FUT8: variants seen among roughly 807,000 people sequenced by gnomAD.
FUT8 encodes the protein alpha-(1,6)-fucosyltransferase.
A neutral mutation model predicts 71.3 loss-of-function variants in FUT8; 29 were observed. That is an observed-to-expected ratio of 0.41 (90% CI 0.30 to 0.55). FUT8 has a LOEUF of 0.55. Ranked by LOEUF, FUT8 falls within the 20% of genes least tolerant of loss-of-function variation. FUT8 has a pLI of 0.34. For synonymous variants in FUT8, 254 were observed against 239.3 expected, an observed-to-expected ratio of 1.06 and a Z score of -0.57; for missense variants, 544 against 702.1, an observed-to-expected ratio of 0.77 and a Z score of 2.55.
At chr14:65,613,531 G>T (rs528286138) in intron 3 of FUT8, among the ~76,000 whole-genome samples, 1 of 152,144 alleles carries the variant, frequency 6.6e-6, no homozygotes, top group East Asian at 1.9e-4. Context: ...TTTATTATTC[G>T]CTTTGTGCTT....
intron 6 of FUT8, among the ~76,000 whole-genome samples, chr14:65,648,201 G>A (rs1891202840): frequency 6.6e-6 from 1 of 152,202 alleles, no homozygotes; most frequent in Admixed American, 6.5e-5. Flanking sequence ...AGCCTGCAAA[G>A]CCAAAGATAT....
intron 2 of FUT8, among the ~76,000 whole-genome samples, chr14:65,532,131 A>G (rs1375154081): frequency 6.6e-6 from 1 of 152,192 alleles, no homozygotes; most frequent in African/African-American, 2.4e-5. Context: ...TTTTGGTTAT[A>G]TACCCAGTAA....
chr14:65,678,189 T>C (rs1023363589), intron 7 of FUT8, among the ~76,000 whole-genome samples: 3 of 152,232 alleles, frequency 2.0e-5, no homozygotes, highest in Non-Finnish European at 4.4e-5. Flanking sequence ...ATGATTGGGT[T>C]ATAGAGTTTC....
intron 2 of FUT8, among the ~76,000 whole-genome samples, chr14:65,545,184 T>G (rs1393952795): frequency 6.6e-6 from 1 of 152,072 alleles, no homozygotes; most frequent in Non-Finnish European, 1.5e-5. Flanking sequence ...AAACACATTA[T>G]TTGTAAATTA....
chr14:65,547,387 T>C (rs963062143), intron 2 of FUT8, among the ~76,000 whole-genome samples: 3 of 151,698 alleles, frequency 2.0e-5, no homozygotes, highest in African/African-American at 7.2e-5. Flanking sequence ...AGTATTGTCA[T>C]ATATTTTACT....
chr14:65,438,429 A>G (rs1206867557), intron 1 of FUT8, among the ~76,000 whole-genome samples: 1 of 152,146 alleles, frequency 6.6e-6, no homozygotes, highest in Non-Finnish European at 1.5e-5. Flanking sequence ...ATGTCAGTAG[A>G]AGTATTTGGT....
At chr14:65,417,955 T>C (rs2065242242) in intron 1 of FUT8, among the ~76,000 whole-genome samples, 1 of 152,218 alleles carries the variant, frequency 6.6e-6, no homozygotes, top group Admixed American at 6.5e-5. Flanking sequence ...ACTTGAAAGA[T>C]CTTGTCACAG....
intron 3 of FUT8, among the ~76,000 whole-genome samples, chr14:65,563,068 CATT>C (rs1886000120): frequency 6.6e-6 from 1 of 151,936 alleles, no homozygotes; most frequent in Non-Finnish European, 1.5e-5. Context: ...ATGAATGAAA[CATT>C]ATTCTTGTCA....
intron 3 of FUT8, among the ~76,000 whole-genome samples, chr14:65,569,943 T>C (rs1475270564): frequency 6.6e-6 from 1 of 152,058 alleles, no homozygotes; most frequent in East Asian, 1.9e-4. Context: ...TTCTAGGCTT[T>C]TTATTGACAA....
chr14:65,415,725 A>T (rs1471998705), intron 1 of FUT8, among the ~76,000 whole-genome samples: 2 of 151,296 alleles, frequency 1.3e-5, no homozygotes, highest in Non-Finnish European at 2.9e-5. Flanking sequence ...CAATAAAAAA[A>T]TGGACCTTTT....
chr14:65,423,848 TAAA>T lies in FUT8; in HGVS notation c.-326+10638_-326+10640del, dbSNP rs563386799. ...TAAAAGCTACATTTTCAACATGAGATAAAAAACTATTTCACAAAACGTGCACAA... is the reference window on the plus strand; with the variant it reads ...TAAAAGCTACATTTTCAACATGAGATAAACTATTTCACAAAACGTGCACAA... On this transcript the variant is annotated intron_variant, in intron 1 of 10. Transcript: ENST00000673929. Among the ~76,000 whole-genome samples the T allele has an allele frequency of 2.0e-5, 3 of 152,362 alleles. No individual in the cohort carries two copies. The South Asian group carries it at 6.2e-4, about 32-fold the overall frequency.
intron 2 of FUT8, among the ~76,000 whole-genome samples, chr14:65,474,106 A>G (rs1224156523): frequency 1.3e-5 from 2 of 152,160 alleles, no homozygotes; most frequent in Non-Finnish European, 2.9e-5. Context: ...ACGCAAAGGC[A>G]TACAGAATAG....
intron 10 of FUT8, among the ~76,000 whole-genome samples, chr14:65,738,917 T>C (rs2139403807): frequency 1.3e-5 from 2 of 152,242 alleles, no homozygotes; most frequent in Middle Eastern, 6.8e-3. Flanking sequence ...ATTCAACAGA[T>C]ACTTATTGAG....
At chr14:65,487,779 G>A (rs962892311) in intron 2 of FUT8, among the ~76,000 whole-genome samples, 2 of 152,102 alleles carry the variant, frequency 1.3e-5, no homozygotes, top group Non-Finnish European at 2.9e-5. Context: ...GTGTTTTGTG[G>A]TGTGGGAAAT....
At chr14:65,497,276 T>G (rs2139750602) in intron 2 of FUT8, among the ~76,000 whole-genome samples, 1 of 152,286 alleles carries the variant, frequency 6.6e-6, no homozygotes, top group African/African-American at 2.4e-5. Context: ...AAGGACTTGT[T>G]TGGAAGTTGA....
chr14:65,407,896 T>G (rs891806591), upstream of FUT8, among the ~76,000 whole-genome samples: 6 of 152,322 alleles, frequency 3.9e-5, no homozygotes, highest in East Asian at 3.9e-4. Context: ...GGGTTACAGG[T>G]TGACTTGCTC....
rs763718984 is a variant in FUT8, at chr14:65,700,381, GTTTTTTTTTTTT to G, written c.836-21378_836-21367del. On this transcript the variant is annotated intron_variant, in intron 7 of 10. Coordinates refer to ENST00000673929, the MANE Select transcript of FUT8 (RefSeq NM_001371533.1). ...AAACTACTTTCTTTTCTTTCTTTCT[GTTTTTTTTTTTT>G]TTTTTTTTTTTTTTTGAGACGGAGT... Among the ~76,000 whole-genome samples the G allele has an allele frequency of 3.3e-3, 160 of 48,898 alleles. 1 individual carries two copies. Among genetic ancestry groups the G allele is most frequent in the African/African-American group, 0.012 (147 of 11,854 alleles). 32.1% of individuals were successfully genotyped at this position (48,898 alleles called of 152,430 possible). A position where few individuals can be genotyped will look rare whatever the true frequency, so the allele number is the denominator to read the frequency against.
intron 7 of FUT8, among the ~76,000 whole-genome samples, chr14:65,704,343 T>C (rs1894457380): frequency 6.6e-6 from 1 of 151,710 alleles, no homozygotes. Flanking sequence ...AATTGTGATT[T>C]TTTTTTTTAA....
intron 1 of FUT8, among the ~76,000 whole-genome samples, chr14:65,453,467 T>TA (rs2065855977): frequency 6.6e-6 from 1 of 152,224 alleles, no homozygotes; most frequent in Non-Finnish European, 1.5e-5. Flanking sequence ...CTTCATGAAT[T>TA]ATGAGACTTT....
Sources: allele counts gnomAD v4.1 joint callset (sites outside exome capture counted in the v4.1 genomes callset), GRCh38; gene constraint gnomAD v4.1.1; transcripts MANE v1.5; gene names NCBI Gene and HGNC (gene_info 2026-07-23, HGNC 2026-07-21).